Variants in DDAH1 observed in about 807,000 individuals in gnomAD.
DDAH1 encodes dimethylarginine dimethylaminohydrolase 1, also known as N(G),N(G)-dimethylarginine dimethylaminohydrolase 1.
Under a neutral mutation model 28.8 loss-of-function variants are expected in DDAH1, and 19 were observed. The ratio of observed to expected loss-of-function variants is 0.66; its 90% CI spans 0.46 to 0.97. The LOEUF (loss-of-function observed/expected upper bound fraction) is 0.97, where lower values mean the gene tolerates loss of function less well. Among genes scored for constraint, DDAH1 ranks in the 50% least tolerant of loss-of-function variants. The pLI, the probability that DDAH1 is intolerant of heterozygous loss-of-function variation, is 0.00. For synonymous variants in DDAH1, 153 were observed against 154.4 expected (o/e 0.99, Z 0.07); for missense variants, 326 against 375.9 (o/e 0.87, Z 1.10).
intron 1 of DDAH1, among the ~76,000 whole-genome samples, chr1:85,519,088 C>CTTTTTTTTT (rs71075842): frequency 5.8e-5 from 4 of 69,134 alleles, no homozygotes; most frequent in Non-Finnish European, 8.0e-5. Flanking sequence ...AAAGACGGAT[C>CTTTTTTTTT]TTTTTTTTTT....
At chr1:85,438,104 C>T (rs979665288) in intron 1 of DDAH1, among the ~76,000 whole-genome samples, 1 of 152,186 alleles carries the variant, frequency 6.6e-6, no homozygotes, top group Non-Finnish European at 1.5e-5. Context: ...AGCATCTTCT[C>T]ACTTATATGT....
At chr1:85,332,569 G>A (rs1223379320) in intron 4 of DDAH1, among the ~76,000 whole-genome samples, 2 of 152,156 alleles carry the variant, frequency 1.3e-5, no homozygotes, top group Non-Finnish European at 2.9e-5. Flanking sequence ...TGGGCCCCAT[G>A]GGGGGCCTGA....
chr1:85,432,258 T>G (rs1350418613), intron 1 of DDAH1, among the ~76,000 whole-genome samples: 1 of 152,142 alleles, frequency 6.6e-6, no homozygotes, highest in Non-Finnish European at 1.5e-5. Flanking sequence ...AAGTGTGGCC[T>G]CTTCATCTCC....
intron 1 of DDAH1, among the ~76,000 whole-genome samples, chr1:85,418,951 T>C (rs1252269501): frequency 2.6e-5 from 4 of 152,200 alleles, no homozygotes; most frequent in Non-Finnish European, 5.9e-5. Flanking sequence ...GTTGGGTTGA[T>C]GTCTGCATTA....
At chr1:85,474,785 G>A (rs2100707796) in intron 2 of DDAH1, among the ~76,000 whole-genome samples, 1 of 152,178 alleles carries the variant, frequency 6.6e-6, no homozygotes, top group South Asian at 2.1e-4. Flanking sequence ...ATAAGAATGG[G>A]TTTCAGTTCC....
intron 1 of DDAH1, among the ~76,000 whole-genome samples, chr1:85,448,715 T>C (rs928938673): frequency 6.6e-6 from 1 of 152,218 alleles, no homozygotes; most frequent in Admixed American, 6.5e-5. Context: ...ATGTGAATAA[T>C]TTTTCTTTTA....
chr1:85,507,070 A>T (rs926489162), intron 1 of DDAH1, among the ~76,000 whole-genome samples: 2 of 152,208 alleles, frequency 1.3e-5, no homozygotes, highest in African/African-American at 4.8e-5. Flanking sequence ...TTCAATGTAG[A>T]TGCAACAATT....
chr1:85,353,995 C>T (rs892716159), intron 2 of DDAH1, among the ~76,000 whole-genome samples: 7 of 152,118 alleles, frequency 4.6e-5, no homozygotes, highest in African/African-American at 1.7e-4. Context: ...GAGAAGGATG[C>T]TGCTTATCTC....
rs967798181 is a variant in DDAH1, at chr1:85,358,718, C to A, written c.403+30G>T. Reference sequence around the variant, plus strand: ...ATACAAGCCAAGTATTAAAAATATTCTTGGATAGAAAAAATAAATACAACT... The same window carrying A: ...ATACAAGCCAAGTATTAAAAATATTATTGGATAGAAAAAATAAATACAACT... On this transcript the variant is annotated intron_variant, in intron 2 of 5. Transcript: ENST00000284031. 6 of 1,425,932 alleles carry A rather than the reference C, an allele frequency of 4.2e-6. No individual in the cohort carries two copies. In the African/African-American group the frequency reaches 7.2e-5, roughly 17 times the overall value. The allele number at this position is 1,425,932 out of a possible 1,614,324, so 88.3% of individuals were successfully genotyped here. A position where few individuals can be genotyped will look rare whatever the true frequency, so the allele number is the denominator to read the frequency against.
At chr1:85,395,464 G>A (rs970065625) in intron 1 of DDAH1, among the ~76,000 whole-genome samples, 6 of 152,076 alleles carry the variant, frequency 3.9e-5, no homozygotes. Context: ...CCTGAGGGAG[G>A]GAGTTCAAGA....
chr1:85,372,080 G>C (rs555646214), intron 1 of DDAH1, among the ~76,000 whole-genome samples: 1 of 152,166 alleles, frequency 6.6e-6, no homozygotes, highest in African/African-American at 2.4e-5. Flanking sequence ...GGTTGTGAAA[G>C]GCCCTAGTCA....
intron 1 of DDAH1, among the ~76,000 whole-genome samples, chr1:85,389,450 GCT>G (rs1184166703): frequency 6.6e-6 from 1 of 152,112 alleles, no homozygotes; most frequent in African/African-American, 2.4e-5. Flanking sequence ...CCAACTCTGT[GCT>G]ACTTCCAGCA....
At chr1:85,358,406 T>C (rs1649597055) in intron 2 of DDAH1, among the ~76,000 whole-genome samples, 1 of 152,186 alleles carries the variant, frequency 6.6e-6, no homozygotes, top group African/African-American at 2.4e-5. Flanking sequence ...TCCCAGTATT[T>C]TGGGAGGCCG....
intron 1 of DDAH1, among the ~76,000 whole-genome samples, chr1:85,558,827 T>G (rs1170862690): frequency 1.3e-5 from 2 of 152,198 alleles, no homozygotes; most frequent in Non-Finnish European, 2.9e-5. Context: ...GGGATCTTGA[T>G]GTACATAGAA....
At chr1:85,490,636 A>C (rs984891862) in intron 2 of DDAH1, among the ~76,000 whole-genome samples, 1 of 152,272 alleles carries the variant, frequency 6.6e-6, no homozygotes, top group African/African-American at 2.4e-5. Flanking sequence ...AGGACAAGAC[A>C]GCCTGCAATT....
At chr1:85,550,766 C>CAT (rs978724694) in intron 1 of DDAH1, among the ~76,000 whole-genome samples, 5 of 152,134 alleles carry the variant, frequency 3.3e-5, no homozygotes, top group Non-Finnish European at 5.9e-5. Flanking sequence ...CACACACACA[C>CAT]ACCATTTAGA....
At chr1:85,466,257 GTTGTT>G (rs1484057666), upstream of DDAH1, among the ~76,000 whole-genome samples, 13 of 152,196 alleles carry the variant, frequency 8.5e-5, no homozygotes, top group East Asian at 3.9e-4. Flanking sequence ...GTTTTTTGTT[GTTGTT>G]TTGTTTTGAC....
At position 85,465,051 on chromosome 1, in the gene DDAH1, C is replaced by T. The variant is rs1349962699; in HGVS notation, c.-6G>A. Reference sequence around the variant, plus strand: ...GGGTGGCCGAGCCCGGCCATGGCTTCGGGAGGCTTAGGGGCGGCGGCGGCG... The same window carrying T: ...GGGTGGCCGAGCCCGGCCATGGCTTTGGGAGGCTTAGGGGCGGCGGCGGCG... On this transcript the variant is annotated 5_prime_UTR_variant, in exon 1 of 6. Coordinates refer to ENST00000284031, the MANE Select transcript of DDAH1 (RefSeq NM_012137.4). 4.6e-6 allele frequency: 6 copies of T among 1,295,542 alleles called. No homozygotes were observed. Among genetic ancestry groups the T allele is most frequent in the Admixed American group, 4.2e-5 (1 of 23,926 alleles). The allele number at this position is 1,295,542 out of a possible 1,614,324, so 80.3% of individuals were successfully genotyped here. A position where few individuals can be genotyped will look rare whatever the true frequency, so the allele number is the denominator to read the frequency against.
At chr1:85,486,961 C>G (rs1481954832) in intron 2 of DDAH1, among the ~76,000 whole-genome samples, 3 of 152,128 alleles carry the variant, frequency 2.0e-5, no homozygotes, top group African/African-American at 7.2e-5. Flanking sequence ...GAGAAGAATT[C>G]TTTGATAGAT....
Sources: allele counts gnomAD v4.1 joint callset (sites outside exome capture counted in the v4.1 genomes callset), GRCh38; gene constraint gnomAD v4.1.1; transcripts MANE v1.5; gene names NCBI Gene and HGNC (gene_info 2026-07-23, HGNC 2026-07-21).